TMED3: variants seen among roughly 807,000 people sequenced by gnomAD.
TMED3 encodes the protein transmembrane p24 trafficking protein 3, also known as transmembrane emp24 domain-containing protein 3.
A neutral mutation model predicts 15.0 loss-of-function variants in TMED3; 9 were observed. The observed-to-expected ratio is 0.60, with a 90% CI of 0.36 to 1.04. The LOEUF is 1.04. Ranked by LOEUF, TMED3 falls within the 50% of genes least tolerant of loss-of-function variation. TMED3 has a pLI of 0.01. For missense variants in TMED3, 267 were observed against 278.9 expected (o/e 0.96, Z 0.30); for synonymous variants, 117 against 121.4 (o/e 0.96, Z 0.24).
intron 2 of TMED3, among the ~76,000 whole-genome samples, chr15:79,356,343 T>A (rs2058918686): frequency 6.6e-6 from 1 of 152,206 alleles, no homozygotes; most frequent in Admixed American, 6.5e-5. Flanking sequence ...TAGTGCTGTA[T>A]CCTCAGAGTT....
At chr15:79,331,014 G>C (rs577241486) in intron 2 of TMED3, among the ~76,000 whole-genome samples, 8 of 152,292 alleles carry the variant, frequency 5.3e-5, no homozygotes, top group African/African-American at 1.9e-4. Context: ...ATCTGTTTCT[G>C]GGGAGGCCTA....
At chr15:79,360,830 A>T (rs1893113986) in intron 2 of TMED3, among the ~76,000 whole-genome samples, 1 of 152,140 alleles carries the variant, frequency 6.6e-6, no homozygotes, top group Non-Finnish European at 1.5e-5. Flanking sequence ...AATACATAAT[A>T]TTCCATGTAA....
chr15:79,364,068 G>A (rs1338759338), intron 2 of TMED3, among the ~76,000 whole-genome samples: 1 of 152,218 alleles, frequency 6.6e-6, no homozygotes, highest in African/African-American at 2.4e-5. Context: ...GGACACCATA[G>A]AGTGAGTGGA....
intron 2 of TMED3, among the ~76,000 whole-genome samples, chr15:79,331,723 TAAACAATGGAC>T (rs2058809992): frequency 6.6e-6 from 1 of 152,008 alleles, no homozygotes; most frequent in Non-Finnish European, 1.5e-5. Flanking sequence ...TAAATCCAAT[TAAACAATGGAC>T]AAACAATCTG....
downstream of TMED3, among the ~76,000 whole-genome samples, chr15:79,325,787 G>T (rs1269331648): frequency 6.6e-6 from 1 of 152,170 alleles, no homozygotes; most frequent in Non-Finnish European, 1.5e-5. Context: ...AAAGGCCAAA[G>T]AACCTGCAGT....
chr15:79,353,159 AT>A (rs1480030676), intron 2 of TMED3, among the ~76,000 whole-genome samples: 1 of 56,560 alleles, frequency 1.8e-5, no homozygotes, highest in African/African-American at 8.3e-5. Context: ...TAAAATATAT[AT>A]AAATATATAT....
Position 79,322,436 on chromosome 15 carries a change from T to C in TMED3, c.*222T>C. 1.5e-6 allele frequency: 2 copies of C among 1,376,350 alleles called. No individual in the cohort carries two copies. Among genetic ancestry groups the C allele is most frequent in the African/African-American group, 1.5e-5 (1 of 68,752 alleles). 85.3% of individuals were successfully genotyped at this position (1,376,350 alleles called of 1,614,324 possible). A position where few individuals can be genotyped will look rare whatever the true frequency, so the allele number is the denominator to read the frequency against. On this transcript the variant is annotated 3_prime_UTR_variant, in exon 3 of 3. Transcript: ENST00000299705. Reference sequence around the variant, plus strand: ...TCCGACTGCATTAAGTGTGCAGCGCTGAAAAGACATTTACAACTAGGCCAG... The same window carrying C: ...TCCGACTGCATTAAGTGTGCAGCGCCGAAAAGACATTTACAACTAGGCCAG...
chr15:79,335,295 A>C (rs573990026), intron 2 of TMED3, among the ~76,000 whole-genome samples: 1 of 114,590 alleles, frequency 8.7e-6, no homozygotes, highest in South Asian at 3.3e-4. Flanking sequence ...CTTCTGGGAA[A>C]AATAAACAAA....
intron 2 of TMED3, among the ~76,000 whole-genome samples, chr15:79,355,850 C>T (rs2058916849): frequency 6.6e-6 from 1 of 152,132 alleles, no homozygotes; most frequent in Non-Finnish European, 1.5e-5. Flanking sequence ...TGGGTGGCAT[C>T]TACTGCCCAC....
At chr15:79,376,382 T>G (rs373752310) in intron 2 of TMED3, among the ~76,000 whole-genome samples, 38 of 152,272 alleles carry the variant, frequency 2.5e-4, no homozygotes, top group African/African-American at 8.7e-4. Flanking sequence ...CATATTGTAT[T>G]TTAGGAGAGT....
intron 2 of TMED3, among the ~76,000 whole-genome samples, chr15:79,335,197 A>G (rs568816085): frequency 6.6e-6 from 1 of 152,248 alleles, no homozygotes; most frequent in Admixed American, 6.5e-5. Flanking sequence ...AGGAAGACCT[A>G]AATCCTCAGT....
chr15:79,346,644 G>A (rs780778125), intron 2 of TMED3, among the ~76,000 whole-genome samples: 3 of 152,218 alleles, frequency 2.0e-5, no homozygotes, highest in African/African-American at 7.2e-5. Flanking sequence ...GGTTTTTATA[G>A]TTTTGGGTTT....
intron 2 of TMED3, among the ~76,000 whole-genome samples, chr15:79,346,868 C>G (rs538101142): frequency 2.1e-4 from 32 of 152,204 alleles, no homozygotes; most frequent in African/African-American, 7.5e-4. Context: ...ATAATGAGCT[C>G]TGAAATTGAG....
chr15:79,413,444 G>A (rs890177856), exon 3 of TMED3: 26 of 152,216 alleles, frequency 1.7e-4, no homozygotes, highest in African/African-American at 4.8e-4. Flanking sequence ...GAAACAACAA[G>A]AAGCTTTGAT....
At chr15:79,373,542 TCAAGAC>T (rs58557288) in intron 2 of TMED3, among the ~76,000 whole-genome samples, 24,743 of 152,178 alleles carry the variant, frequency 0.16, 2,416 homozygotes, top group African/African-American at 0.27. Flanking sequence ...AGAGACAGCC[TCAAGAC>T]AGACAGCCTC....
chr15:79,376,500 A>G (rs1424830869), intron 2 of TMED3, among the ~76,000 whole-genome samples: 2 of 152,114 alleles, frequency 1.3e-5, no homozygotes, highest in African/African-American at 4.8e-5. Context: ...CTTTGTGTGG[A>G]GGTGGTGGAG....
At chr15:79,367,135 G>T (rs1488218230) in intron 2 of TMED3, among the ~76,000 whole-genome samples, 1 of 152,148 alleles carries the variant, frequency 6.6e-6, no homozygotes, top group Non-Finnish European at 1.5e-5. Context: ...AAGGATTTAG[G>T]TGGAGACCTA....
At chr15:79,354,298 C>T (rs1457990374) in intron 2 of TMED3, among the ~76,000 whole-genome samples, 1 of 151,972 alleles carries the variant, frequency 6.6e-6, no homozygotes, top group Non-Finnish European at 1.5e-5. Flanking sequence ...ACAGAAATGT[C>T]CAGGAGCCAT....
chr15:79,341,172 G>A (rs546083791), intron 2 of TMED3, among the ~76,000 whole-genome samples: 1 of 110,226 alleles, frequency 9.1e-6, no homozygotes, highest in South Asian at 3.2e-4. Flanking sequence ...CAGCCTGAGT[G>A]ACACAGCAGC....
Sources: allele counts gnomAD v4.1 joint callset (sites outside exome capture counted in the v4.1 genomes callset), GRCh38; gene constraint gnomAD v4.1.1; transcripts MANE v1.5; gene names NCBI Gene and HGNC (gene_info 2026-07-23, HGNC 2026-07-21).